The following RTN4 variants were observed in gnomAD, a reference collection of about 807,000 sequenced individuals.
The protein encoded by RTN4 is reticulon 4.
RTN4 carries 32 observed loss-of-function variants against 90.4 expected under a neutral mutation model. That is an observed-to-expected ratio of 0.35 (90% CI 0.27 to 0.48). RTN4 has a LOEUF of 0.48. RTN4 is among the 20% of genes least tolerant of loss of function. The probability of loss-of-function intolerance (pLI) is 0.99; values close to 1 mark genes in which losing one functional copy is unlikely to be tolerated. For synonymous variants in RTN4, 629 were observed against 552.5 expected (o/e 1.14, Z -1.94); for missense variants, 1,706 against 1,430.2 (o/e 1.19, Z -3.11).
At chr2:55,046,668 C>T (rs1220794248) in intron 1 of RTN4, 1 of 152,022 alleles carries the variant, frequency 6.6e-6, no homozygotes, top group Non-Finnish European at 1.5e-5. Flanking sequence ...ATTGCTATAC[C>T]CTCAAAGCTT....
At chr2:55,066,181 G>GTGTGTGTT (rs1384212492) in intron 2 of RTN4, among the ~76,000 whole-genome samples, 13 of 117,738 alleles carry the variant, frequency 1.1e-4, no homozygotes, top group African/African-American at 3.8e-4. Context: ...GTGTGTGTGT[G>GTGTGTGTT]TGTGTGTGTG....
chr2:54,986,946 T>TA (rs1275877674), intron 4 of RTN4, among the ~76,000 whole-genome samples: 1 of 152,100 alleles, frequency 6.6e-6, no homozygotes, highest in East Asian at 1.9e-4. Context: ...TATATAATGC[T>TA]ATAGTATACT....
upstream of RTN4, among the ~76,000 whole-genome samples, chr2:55,055,369 A>C (rs976830999): frequency 6.6e-6 from 1 of 152,106 alleles, no homozygotes; most frequent in African/African-American, 2.4e-5. Context: ...ATTATTTTTA[A>C]TACTTAAAGG....
chr2:55,091,768 C>T (rs1290420236), intron 1 of RTN4, among the ~76,000 whole-genome samples: 1 of 152,150 alleles, frequency 6.6e-6, no homozygotes, highest in Non-Finnish European at 1.5e-5. Context: ...GTTGGACTTA[C>T]AGTTCCACAT....
At chr2:55,085,555 T>C (rs568462184) in intron 1 of RTN4, among the ~76,000 whole-genome samples, 33 of 152,356 alleles carry the variant, frequency 2.2e-4, no homozygotes, top group Non-Finnish European at 4.0e-4. Context: ...AAGGGGAATC[T>C]GTTTTACTCA....
intron 1 of RTN4, among the ~76,000 whole-genome samples, chr2:55,042,721 A>T (rs1353175022): frequency 6.6e-6 from 1 of 152,202 alleles, no homozygotes; most frequent in Non-Finnish European, 1.5e-5. Flanking sequence ...TAATTCTAGA[A>T]CTATACAGAA....
At chr2:54,999,470 C>T (rs1484696003) in intron 3 of RTN4, among the ~76,000 whole-genome samples, 2 of 152,004 alleles carry the variant, frequency 1.3e-5, no homozygotes, top group Non-Finnish European at 2.9e-5. Context: ...TCTGGGAAGG[C>T]GGGGCAGTGG....
Position 55,108,315 on chromosome 2 carries a change from T to A in RTN4, c.-214+4205A>T, listed in dbSNP as rs191340677. On this transcript the variant is annotated intron_variant, in intron 1 of 3. Transcript: ENST00000427710. Reference sequence around the variant, plus strand: ...AGGGAAATGTGATTAAGCATTTTTTTAAAAATTGCCCATTTCAGTAGTAAT... The same window carrying A: ...AGGGAAATGTGATTAAGCATTTTTTAAAAAATTGCCCATTTCAGTAGTAAT... Among the ~76,000 whole-genome samples, 913 of 152,160 alleles carry A rather than the reference T, an allele frequency of 6.0e-3. 4 individuals carry two copies. The highest frequency in any genetic ancestry group is 0.01 in the Non-Finnish European group (689 of 68,010).
chr2:55,040,781 C>A (rs946322911), intron 1 of RTN4, among the ~76,000 whole-genome samples: 12 of 151,734 alleles, frequency 7.9e-5, no homozygotes, highest in Non-Finnish European at 1.6e-4. Flanking sequence ...TTACTCAGCC[C>A]TAGGCCTAGT....
At chr2:55,104,308 C>T (rs938278674) in intron 1 of RTN4, among the ~76,000 whole-genome samples, 5 of 151,938 alleles carry the variant, frequency 3.3e-5, no homozygotes, top group Non-Finnish European at 4.4e-5. Context: ...CCACCCACCT[C>T]GGCCTCCCAA....
At chr2:54,982,455 C>A in intron 5 of RTN4, 60 bp downstream of exon 5, 1 of 1,436,672 alleles carries the variant, frequency 7.0e-7, no homozygotes, top group South Asian at 1.3e-5. Context: ...GAATTTTACA[C>A]TCAACTCTCT....
chr2:55,063,828 C>T (rs113609796), intron 2 of RTN4, among the ~76,000 whole-genome samples: 7,861 of 151,418 alleles, frequency 0.052, 633 homozygotes, highest in African/African-American at 0.17. Context: ...TTACAGTGAG[C>T]GGAGACTGGG....
chr2:55,040,300 T>C (rs1682984283), intron 1 of RTN4, among the ~76,000 whole-genome samples: 1 of 152,182 alleles, frequency 6.6e-6, no homozygotes, highest in South Asian at 2.1e-4. Context: ...GTTGATGAAT[T>C]GAGACTGAAG....
At position 55,044,403 on chromosome 2, in the gene RTN4, C is replaced by G. The variant is rs114070270; in HGVS notation, c.556+5342G>C. On this transcript the variant is annotated intron_variant, in intron 1 of 8. Coordinates refer to ENST00000337526, the MANE Select transcript of RTN4 (RefSeq NM_020532.5). ...AAGACTCTGTCTCAAAAGAAACAAA[C>G]AAACAAACAAACAAACAAAAAAACT... 8.7e-3 allele frequency among the ~76,000 whole-genome samples: 1,321 copies of G among 150,988 alleles called. 16 individuals are homozygous for G. The highest frequency in any genetic ancestry group is 0.031 in the African/African-American group (1,267 of 40,734).
chr2:55,050,058 G>T lies in RTN4; in HGVS notation c.243C>A (p.Phe81Leu). The stretch of plus-strand genomic sequence containing the variant: ...GCGCCGGCGGCACGAAGTCATTTCC[G>T]AAGTCCATCAGGGGCGCGCCGGCGG... ...APAAGAPLMD[F>L]GNDFVPPAPR... Residue 81 changes from phenylalanine (F) to leucine (L), a missense_variant, in exon 1 of 9, where the codon TTC becomes TTA. By Grantham distance (22) the Phe-to-Leu change is conservative. Coordinates refer to ENST00000337526, the MANE Select transcript of RTN4 (RefSeq NM_020532.5). This position sits in a 1 kb window ranked among gnomAD's most constrained non-coding sequence, Gnocchi z 4.6. 1 of 1,424,826 alleles carries T rather than the reference G, an allele frequency of 7.0e-7. No individual in the cohort carries two copies. The highest frequency in any genetic ancestry group is 2.8e-5 in the East Asian group (1 of 35,646). 88.3% of individuals were successfully genotyped at this position (1,424,826 alleles called of 1,614,324 possible).
At chr2:55,009,312 T>C (rs34352825) in intron 3 of RTN4, among the ~76,000 whole-genome samples, 24,653 of 152,116 alleles carry the variant, frequency 0.16, 2,358 homozygotes, top group South Asian at 0.35. Context: ...AGCCTACCAC[T>C]TTCTTTTAAA....
chr2:55,066,112 C>G (rs957858944), intron 2 of RTN4, among the ~76,000 whole-genome samples: 4 of 151,366 alleles, frequency 2.6e-5, no homozygotes, highest in Admixed American at 6.6e-5. Context: ...GGAATGATAT[C>G]CCAAAATATC....
intron 4 of RTN4, among the ~76,000 whole-genome samples, chr2:54,987,167 A>G (rs762234309): frequency 2.0e-5 from 3 of 152,242 alleles, no homozygotes; most frequent in Non-Finnish European, 2.9e-5. Context: ...AAAGCAATAA[A>G]GAATATCCTC....
the RTN4 span, among the ~76,000 whole-genome samples, chr2:55,123,614 C>T: frequency 6.6e-6 from 1 of 151,744 alleles, no homozygotes; most frequent in Non-Finnish European, 1.5e-5. Context: ...CCAGAAAAAT[C>T]TTATGATCAA....
Sources: gnomAD v4.1 joint callset for allele counts (sites outside exome capture counted in the v4.1 genomes callset) on GRCh38, gnomAD v4.1.1 for gene constraint, Gnocchi (gnomAD v3.1) non-coding constraint, MANE v1.5 for transcripts, NCBI Gene and HGNC (gene_info 2026-07-23, HGNC 2026-07-21) for gene names.